Variants in SVIL observed in about 807,000 individuals in gnomAD.
SVIL encodes the protein supervillin.
A neutral mutation model predicts 240.4 loss-of-function variants in SVIL; 101 were observed. That is an observed-to-expected ratio of 0.42 (90% confidence interval 0.36 to 0.50). The LOEUF is 0.50. Ranked by LOEUF, SVIL falls within the 20% of genes least tolerant of loss-of-function variation. SVIL has a pLI of 0.01. For synonymous variants in SVIL, 999 were observed against 1,100.0 expected (o/e 0.91, Z 1.82); for missense variants, 2,512 against 2,818.7 (o/e 0.89, Z 2.46).
At chr10:29,709,333 G>A (rs148515727) in intron 1 of SVIL, among the ~76,000 whole-genome samples, 219 of 152,168 alleles carry the variant, frequency 1.4e-3, no homozygotes, top group African/African-American at 5.0e-3. Context: ...AAAAAGTTTC[G>A]GATTTCAGAG....
chr10:29,522,814 T>C lies in SVIL; in HGVS notation c.3164-179A>G, dbSNP rs12416664. On this transcript the variant is annotated intron_variant, in intron 15 of 37. Transcript: ENST00000355867. ...CACTCTGTGAGAAAACCAAACTTCCTGGAGGGTTACCCACACAGCAAAATG... is the reference window on the plus strand; with the variant it reads ...CACTCTGTGAGAAAACCAAACTTCCCGGAGGGTTACCCACACAGCAAAATG... Among the ~76,000 whole-genome samples, 24,328 of 152,236 alleles carry C rather than the reference T, an allele frequency of 0.16. 2,693 individuals are homozygous for C. The highest frequency in any genetic ancestry group is 0.31 in the African/African-American group (12,984 of 41,520).
intron 2 of SVIL, among the ~76,000 whole-genome samples, chr10:29,662,572 T>G (rs530149895): frequency 1.3e-4 from 20 of 152,250 alleles, no homozygotes; most frequent in African/African-American, 4.8e-4. Flanking sequence ...CAGGCATCCA[T>G]CACCCCTCAG....
chr10:29,626,176 GA>G (rs1957858927), intron 1 of SVIL, among the ~76,000 whole-genome samples: 4 of 152,118 alleles, frequency 2.6e-5, no homozygotes, highest in Admixed American at 2.6e-4. Context: ...CCAAGAAGTA[GA>G]TCTTAAGTTT....
chr10:29,521,137 C>G (rs572458976), intron 16 of SVIL, among the ~76,000 whole-genome samples: 1 of 150,282 alleles, frequency 6.7e-6, no homozygotes, highest in Non-Finnish European at 1.5e-5. Flanking sequence ...GCAGGAGAAT[C>G]GCTTGAACCC....
chr10:29,705,964 T>C (rs966752394), intron 1 of SVIL, among the ~76,000 whole-genome samples: 3 of 152,232 alleles, frequency 2.0e-5, no homozygotes, highest in Non-Finnish European at 4.4e-5. Context: ...GCATGTTTCT[T>C]TATAATAGAA....
intron 16 of SVIL, among the ~76,000 whole-genome samples, chr10:29,519,416 G>T (rs1291598875): frequency 6.6e-6 from 1 of 152,160 alleles, no homozygotes; most frequent in Non-Finnish European, 1.5e-5. Flanking sequence ...TTAGAATAAA[G>T]TTTGGAAGTC....
intron 1 of SVIL, among the ~76,000 whole-genome samples, chr10:29,626,325 C>A (rs1046812963): frequency 3.3e-5 from 5 of 152,172 alleles, no homozygotes; most frequent in Non-Finnish European, 5.9e-5. Flanking sequence ...AAGAGAATCG[C>A]TCAGGGTACT....
At chr10:29,681,663 A>G (rs1148204) in intron 2 of SVIL, among the ~76,000 whole-genome samples, 36,143 of 152,064 alleles carry the variant, frequency 0.24, 4,358 homozygotes, top group East Asian at 0.3. Flanking sequence ...TGATCACGTC[A>G]GAAAAGCAGC....
At chr10:29,536,859 C>T (rs1282796448) in intron 6 of SVIL, among the ~76,000 whole-genome samples, 5 of 135,724 alleles carry the variant, frequency 3.7e-5, no homozygotes, top group Non-Finnish European at 3.0e-5. Context: ...TGCAGTGAGC[C>T]GAGATCATGC....
chr10:29,490,750 T>C (rs1005238901), intron 22 of SVIL, 97 bp downstream of exon 22: 3 of 1,473,242 alleles, frequency 2.0e-6, no homozygotes, highest in Non-Finnish European at 1.9e-6. Flanking sequence ...CTGAGCACCA[T>C]TATTGGCCTT....
intron 26 of SVIL, 44 bp downstream of exon 26, chr10:29,486,041 T>C (rs1422374268): frequency 1.9e-6 from 3 of 1,610,546 alleles, no homozygotes; most frequent in Middle Eastern, 1.6e-4. Context: ...GCTGAGTGCT[T>C]TCAATGTGGT....
At chr10:29,572,763 C>CAAAAAAAAAAAAAAAAA (rs375180538) in intron 1 of SVIL, among the ~76,000 whole-genome samples, 6 of 81,302 alleles carry the variant, frequency 7.4e-5, no homozygotes, top group East Asian at 3.8e-4. Context: ...GATCCTATCT[C>CAAAAAAAAAAAAAAAAA]AAAAAAAAAA....
intron 30 of SVIL, among the ~76,000 whole-genome samples, chr10:29,472,577 A>G (rs1349705131): frequency 6.6e-6 from 1 of 152,242 alleles, no homozygotes; most frequent in African/African-American, 2.4e-5. Context: ...CTGGTACTCT[A>G]CAGAGCAGAG....
At chr10:29,595,666 A>G (rs1016508442) in intron 1 of SVIL, among the ~76,000 whole-genome samples, 2 of 152,196 alleles carry the variant, frequency 1.3e-5, no homozygotes, top group South Asian at 2.1e-4. Context: ...CATATGGCCC[A>G]GGGGAAAGTC....
intron 1 of SVIL, among the ~76,000 whole-genome samples, chr10:29,689,120 A>G (rs1961304314): frequency 6.6e-6 from 1 of 152,200 alleles, no homozygotes. Context: ...AAAATATCCA[A>G]TTTAGAATCA....
chr10:29,473,485 T>A (rs1024534440), intron 30 of SVIL: 9 of 266,162 alleles, frequency 3.4e-5, no homozygotes, highest in African/African-American at 2.0e-4. Context: ...CTTTAAAAAA[T>A]CACTACCACT....
At position 29,490,906 on chromosome 10, in the gene SVIL, T is replaced by C. The variant is rs1185530225; in HGVS notation, c.4133A>G (p.Tyr1378Cys). Residue 1378 changes from tyrosine (Y) to cysteine (C), a missense_variant, in exon 22 of 38, where the codon TAC (tyrosine) becomes TGC (cysteine). By Grantham distance (194) the Tyr-to-Cys change is radical (BLOSUM62 -2). This residue lies in a region of SVIL where 272 missense variants were observed against 406.8 expected (regional missense o/e 0.67). Transcript: ENST00000355867. Reference protein sequence around the residue: ...LAAREDLLQEYTEQRLNVAFM... With the variant: ...LAAREDLLQECTEQRLNVAFM... ...GGCAACGTTTAATCTCTGCTCAGTG[T>C]ATTCCTGAAGGAGATCTTCTCTTGC... 4 of 1,614,012 alleles carry C rather than the reference T, an allele frequency of 2.5e-6. No individual in the cohort carries two copies. The highest frequency in any genetic ancestry group is 3.4e-6 in the Non-Finnish European group (4 of 1,179,864).
chr10:29,516,244 G>T (rs1303758836), intron 16 of SVIL, among the ~76,000 whole-genome samples: 1 of 152,170 alleles, frequency 6.6e-6, no homozygotes, highest in Non-Finnish European at 1.5e-5. Flanking sequence ...TGCTGGCAGG[G>T]TTACCATTGG....
chr10:29,617,631 A>G (rs1325126492), intron 1 of SVIL, among the ~76,000 whole-genome samples: 1 of 152,166 alleles, frequency 6.6e-6, no homozygotes, highest in Non-Finnish European at 1.5e-5. Flanking sequence ...TCTACTTAAG[A>G]AAATCTCCAC....
Sources: gnomAD v4.1 joint callset for allele counts (sites outside exome capture counted in the v4.1 genomes callset) on GRCh38, gnomAD v4.1.1 for gene constraint, gnomAD v4.1.1 regional missense constraint, MANE v1.5 for transcripts, NCBI Gene and HGNC (gene_info 2026-07-23, HGNC 2026-07-21) for gene names.